Variants in TAFA1 observed in about 807,000 individuals in gnomAD.
The protein encoded by TAFA1 is chemokine-like protein TAFA-1.
A neutral mutation model predicts 18.5 loss-of-function variants in TAFA1; 4 were observed. That is an observed-to-expected ratio of 0.22 (90% confidence interval 0.11 to 0.49). The LOEUF (loss-of-function observed/expected upper bound fraction) is 0.49, where lower values mean the gene tolerates loss of function less well. Ranked by LOEUF, TAFA1 falls within the 20% of genes least tolerant of loss-of-function variation. The pLI is 0.98. For synonymous variants in TAFA1, 56 were observed against 55.2 expected (o/e 1.01, Z -0.06); for missense variants, 147 against 169.0 (o/e 0.87, Z 0.72).
At chr3:68,094,167 A>G (rs2065059935) in intron 2 of TAFA1, among the ~76,000 whole-genome samples, 1 of 152,136 alleles carries the variant, frequency 6.6e-6, no homozygotes, top group Non-Finnish European at 1.5e-5. Flanking sequence ...AATATAAAAA[A>G]TATACCAGTT....
At chr3:68,356,050 A>T (rs552717927) in intron 2 of TAFA1, among the ~76,000 whole-genome samples, 3 of 152,110 alleles carry the variant, frequency 2.0e-5, no homozygotes, top group African/African-American at 7.2e-5. Context: ...TGCTGATAGC[A>T]ATAGCCACAA....
chr3:68,307,517 A>T (rs1344974920), intron 2 of TAFA1, among the ~76,000 whole-genome samples: 11 of 152,254 alleles, frequency 7.2e-5, no homozygotes, highest in Admixed American at 7.2e-4. Context: ...TACATGAATA[A>T]TATGACATGT....
chr3:68,395,088 A>G (rs1278120090), intron 2 of TAFA1, among the ~76,000 whole-genome samples: 3 of 152,196 alleles, frequency 2.0e-5, no homozygotes, highest in African/African-American at 7.2e-5. Context: ...CAAGGAACTT[A>G]AATTTGCAAG....
intron 2 of TAFA1, among the ~76,000 whole-genome samples, chr3:68,130,884 T>G (rs1575634582): frequency 6.6e-6 from 1 of 151,922 alleles, no homozygotes; most frequent in South Asian, 2.1e-4. Context: ...CTGGCTAGAG[T>G]CTTCTTATCC....
At chr3:68,379,002 G>A (rs776563040) in intron 2 of TAFA1, among the ~76,000 whole-genome samples, 9 of 151,962 alleles carry the variant, frequency 5.9e-5, no homozygotes, top group Admixed American at 1.3e-4. Flanking sequence ...CTTTATAGTC[G>A]TGTGAAAACA....
chr3:68,407,663 C>A (rs1315280605), intron 2 of TAFA1, among the ~76,000 whole-genome samples: 1 of 152,060 alleles, frequency 6.6e-6, no homozygotes, highest in South Asian at 2.1e-4. Context: ...AGATGAGAAT[C>A]TTGAAATATA....
intron 3 of TAFA1, among the ~76,000 whole-genome samples, chr3:68,506,027 T>G (rs1449040598): frequency 6.6e-6 from 1 of 152,036 alleles, no homozygotes; most frequent in African/African-American, 2.4e-5. Flanking sequence ...CTCCTAATGC[T>G]ATCCCTCCCC....
chr3:68,255,649 G>C (rs1404299484), intron 2 of TAFA1, among the ~76,000 whole-genome samples: 2 of 151,966 alleles, frequency 1.3e-5, no homozygotes, highest in Admixed American at 6.6e-5. Flanking sequence ...GCCCATTCTT[G>C]AGAGTTTTAT....
At chr3:68,399,838 A>C (rs1418579320) in intron 2 of TAFA1, among the ~76,000 whole-genome samples, 1 of 152,128 alleles carries the variant, frequency 6.6e-6, no homozygotes, top group Non-Finnish European at 1.5e-5. Flanking sequence ...GCAGAAACAA[A>C]AATTACAGAG....
intron 3 of TAFA1, among the ~76,000 whole-genome samples, chr3:68,518,195 T>A (rs962206186): frequency 6.6e-6 from 1 of 152,220 alleles, no homozygotes; most frequent in African/African-American, 2.4e-5. Context: ...GGGCATGTTA[T>A]GTAGCCTCCT....
At chr3:68,377,019 G>A (rs565940420) in intron 2 of TAFA1, among the ~76,000 whole-genome samples, 1 of 152,252 alleles carries the variant, frequency 6.6e-6, no homozygotes, top group African/African-American at 2.4e-5. Flanking sequence ...CACCATGATT[G>A]TAAGTTTCCT....
intron 3 of TAFA1, among the ~76,000 whole-genome samples, chr3:68,465,299 T>G (rs967973574): frequency 3.3e-5 from 5 of 152,158 alleles, no homozygotes; most frequent in Non-Finnish European, 5.9e-5. Flanking sequence ...AAACTCAACA[T>G]GCTAAAGATC....
intron 2 of TAFA1, among the ~76,000 whole-genome samples, chr3:68,134,804 G>T (rs1210150026): frequency 1.3e-5 from 2 of 152,206 alleles, no homozygotes; most frequent in African/African-American, 4.8e-5. Flanking sequence ...CATTGGGAAG[G>T]TAAGGACATG....
At chr3:68,535,854 TG>T (rs1252624314) in intron 3 of TAFA1, among the ~76,000 whole-genome samples, 2 of 152,166 alleles carry the variant, frequency 1.3e-5, no homozygotes, top group East Asian at 3.9e-4. Flanking sequence ...GGAAAGTTTT[TG>T]TTAGGAACTC....
At chr3:68,463,632 A>T (rs1056446888) in intron 3 of TAFA1, among the ~76,000 whole-genome samples, 1 of 152,130 alleles carries the variant, frequency 6.6e-6, no homozygotes, top group African/African-American at 2.4e-5. Flanking sequence ...CCAAATTTTC[A>T]TAGAAAAGAA....
At chr3:68,077,777 G>A (rs2064845474) in intron 2 of TAFA1, among the ~76,000 whole-genome samples, 1 of 151,994 alleles carries the variant, frequency 6.6e-6, no homozygotes, top group South Asian at 2.1e-4. Context: ...GCTTAGGATA[G>A]ACTTGGCGAT....
intron 2 of TAFA1, among the ~76,000 whole-genome samples, chr3:68,394,080 A>T (rs1575830098): frequency 6.6e-6 from 1 of 152,264 alleles, no homozygotes; most frequent in East Asian, 1.9e-4. Context: ...AAAACTCCTT[A>T]AGCCAATAAG....
At chr3:68,335,132 T>C (rs1284767774) in intron 2 of TAFA1, among the ~76,000 whole-genome samples, 1 of 152,220 alleles carries the variant, frequency 6.6e-6, no homozygotes, top group East Asian at 1.9e-4. Context: ...TTTTGTTACA[T>C]GCCTTTTATT....
intron 2 of TAFA1, among the ~76,000 whole-genome samples, chr3:68,393,326 T>C (rs1462644678): frequency 6.7e-6 from 1 of 150,350 alleles, no homozygotes; most frequent in African/African-American, 2.4e-5. Context: ...AATCCCTGAA[T>C]AGACCAATAG....
Sources: gnomAD v4.1 joint callset for allele counts (sites outside exome capture counted in the v4.1 genomes callset) on GRCh38, gnomAD v4.1.1 for gene constraint, MANE v1.5 for transcripts, NCBI Gene and HGNC (gene_info 2026-07-23, HGNC 2026-07-21) for gene names.